REPIN1: variants seen among roughly 807,000 people sequenced by gnomAD.
REPIN1 encodes replication initiator 1.
REPIN1 carries 4 observed loss-of-function variants against 5.7 expected under a neutral mutation model. That is an observed-to-expected ratio of 0.71 (90% CI 0.35 to 1.62). REPIN1 has a LOEUF of 1.62. Ranked by LOEUF, REPIN1 falls within the 40% of genes most tolerant of loss-of-function variation. REPIN1 has a pLI of 0.05. For missense variants in REPIN1, 854 were observed against 901.0 expected (o/e 0.95, Z 0.67); for synonymous variants, 410 against 386.2 (o/e 1.06, Z -0.72).
Position 150,371,912 on chromosome 7 carries a change from C to G in REPIN1, c.842C>G (p.Ala281Gly), listed in dbSNP as rs558380115. The G allele has an allele frequency of 6.2e-7, 1 of 1,607,392 alleles. No homozygotes were observed. ...CCCAGGGGCCGCCCCGCGGTGACCGCCCCCCGGCCCGGTGGAGATGCCGTC... is the reference window on the plus strand; with the variant it reads ...CCCAGGGGCCGCCCCGCGGTGACCGGCCCCCGGCCCGGTGGAGATGCCGTC... ...PRPRGRPAVTAPRPGGDAVDR... is the reference protein window; with the variant it reads ...PRPRGRPAVTGPRPGGDAVDR... Residue 281 changes from alanine (A) to glycine (G), a missense_variant, in exon 3 of 3, where the codon GCC (alanine) becomes GGC (glycine). Coordinates refer to ENST00000489432, the MANE Select transcript of REPIN1 (RefSeq NM_001099695.2).
rs764424102 is a variant in REPIN1, at chr7:150,371,221, C to T, written c.158-7C>T. 2.5e-6 allele frequency: 4 copies of T among 1,576,580 alleles called. No individual in the cohort carries two copies. The highest frequency in any genetic ancestry group is 3.4e-6 in the Non-Finnish European group (4 of 1,160,922). On this transcript the variant is annotated splice_region_variant and splice_polypyrimidine_tract_variant and intron_variant, in intron 2 of 2. Coordinates refer to ENST00000489432, the MANE Select transcript of REPIN1 (RefSeq NM_001099695.2). The stretch of plus-strand genomic sequence containing the variant: ...TCTCTGGAGTGACTGTGCTTTTCCA[C>T]CCTCAGCAGAGGAAGAACCGATGCT...
In REPIN1 at chr7:150,369,781, A is replaced by AGCAGGCGCT. The variant is rs1799352814; in HGVS notation, c.75_83dup (p.Arg25_Cys27dup). The stretch of plus-strand genomic sequence containing the variant: ...TGGGGGCTACCGGAGTGTGGGCCGA[A>AGCAGGCGCT]GCAGGCGCTGCAGCCGCGGAAGTAT... On this transcript the variant is annotated inframe_insertion, in exon 2 of 3. Coordinates refer to ENST00000489432, the MANE Select transcript of REPIN1 (RefSeq NM_001099695.2). 4 of 1,613,742 alleles carry AGCAGGCGCT rather than the reference A, an allele frequency of 2.5e-6. No homozygotes were observed. The highest frequency in any genetic ancestry group is 1.7e-5 in the Admixed American group (1 of 59,998).
In REPIN1 at chr7:150,369,881, C is replaced by T; in HGVS notation, c.157+13C>T. On this transcript the variant is annotated intron_variant, in intron 2 of 2. Coordinates refer to ENST00000489432, the MANE Select transcript of REPIN1 (RefSeq NM_001099695.2). ...TGCAGTCTCCAGGGTAGAGTCTGGC[C>T]TTTGCTGTGCTCCCAAACCACGCCA... The T allele has an allele frequency of 6.4e-7, 1 of 1,572,168 alleles. No individual in the cohort carries two copies. The highest frequency in any genetic ancestry group is 1.1e-5 in the South Asian group (1 of 87,192).
In REPIN1 at chr7:150,373,392, A is replaced by C. The variant is rs1164320716; in HGVS notation, c.*447A>C. On this transcript the variant is annotated 3_prime_UTR_variant, in exon 3 of 3. Transcript: ENST00000489432. ...TGTAAATGAATGCTCTGGGCTAGAT[A>C]CAGCTTGGAGAACCTGCTGGCCTTG... is the stretch of plus-strand genomic sequence containing the variant. 2 of 187,430 alleles carry C rather than the reference A, an allele frequency of 1.1e-5. No homozygotes were observed. Among genetic ancestry groups the C allele is most frequent in the Non-Finnish European group, 2.5e-5 (2 of 79,324 alleles). The allele number at this position is 187,430 out of a possible 1,614,324, so 11.6% of individuals were successfully genotyped here.
At chr7:150,369,222 C>A (rs534322736) in intron 1 of REPIN1, among the ~76,000 whole-genome samples, 1 of 152,248 alleles carries the variant, frequency 6.6e-6, no homozygotes, top group Admixed American at 6.5e-5. Context: ...TTCTGCCACC[C>A]GCGGCCAGCC....
At position 150,372,491 on chromosome 7, in the gene REPIN1, A is replaced by T. The variant is rs754298158; in HGVS notation, c.1421A>T (p.His474Leu). ...ECGKNFGKKT[H>L]LVAHSRVHSG... is the part of the protein sequence containing the mutation. ...GGGAAGAACTTCGGCAAGAAGACGC[A>T]CCTGGTGGCGCACTCGCGCGTGCAC... is the stretch of plus-strand genomic sequence containing the variant. Residue 474 changes from histidine (H) to leucine (L), a missense_variant, in exon 3 of 3, where the codon CAC becomes CTC. Transcript: ENST00000489432. 6.5e-7 allele frequency: 1 copy of T among 1,546,304 alleles called. No individual in the cohort carries two copies. The highest frequency in any genetic ancestry group is 8.7e-7 in the Non-Finnish European group (1 of 1,152,090).
rs1008321406 is a variant in REPIN1, at chr7:150,372,253, G to A, written c.1183G>A (p.Glu395Lys). ...GSPQLPAGPQ[E>K]SAAEPTPAVP... ...CCCCCAGCTGCCAGCCGGCCCCCAG[G>A]AGTCCGCGGCCGAGCCCACCCCGGC... Residue 395 changes from glutamate to lysine, a missense_variant, in exon 3 of 3, where the codon GAG (glutamate) becomes AAG (lysine). By Grantham distance (56) the Glu-to-Lys change is moderately conservative (BLOSUM62 1). Coordinates refer to ENST00000489432, the MANE Select transcript of REPIN1 (RefSeq NM_001099695.2). 2.0e-6 allele frequency: 3 copies of A among 1,531,536 alleles called. No individual in the cohort carries two copies. The highest frequency in any genetic ancestry group is 1.2e-5 in the South Asian group (1 of 83,452). The allele number at this position is 1,531,536 out of a possible 1,614,324, so 94.9% of individuals were successfully genotyped here.
chr7:150,371,939 A>G lies in REPIN1; in HGVS notation c.869A>G (p.Asp290Gly). ...CCCCGGCCCGGTGGAGATGCCGTCGACCGCCCCTTCCAGTGTGCCTGTTGT... is the reference window on the plus strand; with the variant it reads ...CCCCGGCCCGGTGGAGATGCCGTCGGCCGCCCCTTCCAGTGTGCCTGTTGT... ...TAPRPGGDAV[D>G]RPFQCACCGK... Residue 290 changes from aspartate to glycine, a missense_variant, in exon 3 of 3, where the codon GAC becomes GGC. By Grantham distance (94) the Asp-to-Gly change is moderately conservative (BLOSUM62 -1). This residue lies in a region of REPIN1 where 409 missense variants were observed against 418.6 expected (regional missense o/e 0.98). Transcript: ENST00000489432. 1 of 1,606,768 alleles carries G rather than the reference A, an allele frequency of 6.2e-7. No individual in the cohort carries two copies. The highest frequency in any genetic ancestry group is 8.5e-7 in the Non-Finnish European group (1 of 1,178,870).
At position 150,369,755 on chromosome 7, in the gene REPIN1, C is replaced by G; in HGVS notation, c.44C>G (p.Pro15Arg). 6.2e-7 allele frequency: 1 copy of G among 1,613,950 alleles called. No individual in the cohort carries two copies. The highest frequency in any genetic ancestry group is 1.1e-5 in the South Asian group (1 of 91,090). ...TTATTACTGCAGTTTTCTCTAACAC[C>G]TGGGGGCTACCGGAGTGTGGGCCGA... Reference protein sequence around the residue: ...VSLLLQFSLTPGGYRSVGRSR... With the variant: ...VSLLLQFSLTRGGYRSVGRSR... Residue 15 changes from proline to arginine, a missense_variant, in exon 2 of 3, where the codon CCT becomes CGT. Transcript: ENST00000489432.
chr7:150,371,054 A>T, intron 2 of REPIN1, 174 bp from the exon 3 acceptor site: 4 of 769,906 alleles, frequency 5.2e-6, no homozygotes, highest in Non-Finnish European at 2.0e-6. Context: ...TTATCTAAAA[A>T]CCCAAGATTG....
rs764802382 is a variant in REPIN1 at position 150,369,759 on chromosome 7, G to C, written c.48G>C (p.Gly16=). Residue 16 remains glycine (G), a synonymous_variant, in exon 2 of 3, where the codon GGG becomes GGC. Coordinates refer to ENST00000489432, the MANE Select transcript of REPIN1 (RefSeq NM_001099695.2). ...TACTGCAGTTTTCTCTAACACCTGG[G>C]GGCTACCGGAGTGTGGGCCGAAGCA... The part of the protein sequence containing the change: ...SLLLQFSLTP[G]GYRSVGRSRR... The C allele has an allele frequency of 6.2e-7, 1 of 1,613,782 alleles. No homozygotes were observed. Among genetic ancestry groups the C allele is most frequent in the African/African-American group, 1.3e-5 (1 of 74,900 alleles).
chr7:150,371,525 G>A lies in REPIN1; in HGVS notation c.455G>A (p.Arg152His), dbSNP rs1463910555. ...TGCCCTGAGTGTGGCCGTCGCTTTC[G>A]CCATGCCCCCTTCTTAGCACTGCAC... is the stretch of plus-strand genomic sequence containing the variant. ...LPCPECGRRF[R>H]HAPFLALHRQ... The change falls in exon 3 of 3, where the codon CGC (arginine) becomes CAC (histidine). Residue 152 changes from arginine to histidine, a missense_variant. Coordinates refer to ENST00000489432, the MANE Select transcript of REPIN1 (RefSeq NM_001099695.2). The A allele has an allele frequency of 3.1e-6, 5 of 1,605,454 alleles. No homozygotes were observed. The highest frequency in any genetic ancestry group is 1.3e-5 in the African/African-American group (1 of 74,886).
In REPIN1 at chr7:150,371,329, A is replaced by G; in HGVS notation, c.259A>G (p.Thr87Ala). The G allele has an allele frequency of 6.3e-7, 1 of 1,584,592 alleles. No individual in the cohort carries two copies. Among genetic ancestry groups the G allele is most frequent in the Non-Finnish European group, 8.6e-7 (1 of 1,166,436 alleles). Residue 87 changes from threonine to alanine, a missense_variant, in exon 3 of 3, where the codon ACC (threonine) becomes GCC (alanine). By Grantham distance (58) the Thr-to-Ala change is moderately conservative (BLOSUM62 0). Transcript: ENST00000489432. ...LSGPSQESPQ[T>A]LGKESRGLRQ... ...TGGGCCCTCCCAGGAGTCACCCCAG[A>G]CCCTGGGGAAGGAGTCCCGCGGGCT...
At chr7:150,370,816 C>CA (rs1211605162) in intron 2 of REPIN1, 2 of 702,216 alleles carry the variant, frequency 2.8e-6, no homozygotes, top group South Asian at 1.5e-5. Flanking sequence ...TCGGATGTGG[C>CA]ATAGGAAACA....
Position 150,373,065 on chromosome 7 carries a change from A to G in REPIN1, c.*120A>G, listed in dbSNP as rs899106310. On this transcript the variant is annotated 3_prime_UTR_variant, in exon 3 of 3. Coordinates refer to ENST00000489432, the MANE Select transcript of REPIN1 (RefSeq NM_001099695.2). ...GGGGACAATGGGAATCCTAGAGGGG[A>G]TGGAAGACGCGGGGAGTGAGCTGGG... is the stretch of plus-strand genomic sequence containing the variant. The G allele has an allele frequency of 6.5e-6, 9 of 1,392,116 alleles. No individual in the cohort carries two copies. The African/African-American group carries it at 1.3e-4, about 20-fold the overall frequency. 86.2% of individuals were successfully genotyped at this position (1,392,116 alleles called of 1,614,324 possible). A position where few individuals can be genotyped will look rare whatever the true frequency, so the allele number is the denominator to read the frequency against.
chr7:150,372,608 A>G lies in REPIN1; in HGVS notation c.1538A>G (p.Asp513Gly). The change falls in exon 3 of 3, where the codon GAT (aspartate) becomes GGT (glycine). Residue 513 changes from aspartate (D) to glycine (G), a missense_variant. Coordinates refer to ENST00000489432, the MANE Select transcript of REPIN1 (RefSeq NM_001099695.2). ...LAAHRRDHAP[D>G]RPFVCPDCGK... ...GCGCATCGGCGCGACCACGCCCCCG[A>G]TCGGCCCTTCGTGTGTCCCGACTGC... The G allele has an allele frequency of 1.2e-6, 2 of 1,608,460 alleles. No homozygotes were observed. The highest frequency in any genetic ancestry group is 1.7e-6 in the Non-Finnish European group (2 of 1,179,118).
At chr7:150,368,737 C>A, upstream of REPIN1, 1 of 267,462 alleles carries the variant, frequency 3.7e-6, no homozygotes, top group Non-Finnish European at 6.9e-6. Flanking sequence ...GCCGCGGCCG[C>A]GGGAGCCGGC....
At chr7:150,370,055 G>A (rs1033512278) in intron 2 of REPIN1, 187 bp downstream of exon 2, 2 of 673,776 alleles carry the variant, frequency 3.0e-6, no homozygotes, top group Non-Finnish European at 4.8e-6. Flanking sequence ...GAATTTAGAA[G>A]GATGTGTCTG....
At chr7:150,370,586 T>C (rs1405080190) in intron 2 of REPIN1, 2 of 612,564 alleles carry the variant, frequency 3.3e-6, no homozygotes, top group Non-Finnish European at 5.8e-6. Flanking sequence ...TGAAAAGCTA[T>C]AGACACCTTT....
Sources: allele counts gnomAD v4.1 joint callset (sites outside exome capture counted in the v4.1 genomes callset), GRCh38; gene constraint gnomAD v4.1.1; regional missense constraint gnomAD v4.1.1; transcripts MANE v1.5; gene names NCBI Gene and HGNC (gene_info 2026-07-23, HGNC 2026-07-21).